The following KATNA1 variants were observed in gnomAD, a reference collection of about 807,000 sequenced individuals.
KATNA1 encodes the protein katanin p60 ATPase-containing subunit A1.
In KATNA1, 42 loss-of-function variants were observed where a neutral mutation model predicts 62.6. That is an observed-to-expected ratio of 0.67 (90% CI 0.52 to 0.87). KATNA1 has a LOEUF of 0.87. KATNA1 is among the 40% of genes least tolerant of loss of function. The pLI is 0.00. For synonymous variants in KATNA1, 186 were observed against 201.9 expected (o/e 0.92, Z 0.67); for missense variants, 498 against 612.5 (o/e 0.81, Z 1.97).
chr6:149,634,352 A>G (rs1779988643), intron 2 of KATNA1, among the ~76,000 whole-genome samples: 1 of 149,616 alleles, frequency 6.7e-6, no homozygotes, highest in African/African-American at 2.5e-5. Flanking sequence ...AGTTAGGCAT[A>G]ACTTTAAAGT....
At chr6:149,596,542 A>G (rs1172685086) in intron 10 of KATNA1, among the ~76,000 whole-genome samples, 1 of 152,122 alleles carries the variant, frequency 6.6e-6, no homozygotes, top group Non-Finnish European at 1.5e-5. Flanking sequence ...CTCAAAAAAC[A>G]AAACAAAACT....
intron 2 of KATNA1, among the ~76,000 whole-genome samples, chr6:149,636,167 T>C (rs1780059134): frequency 6.6e-6 from 1 of 152,116 alleles, no homozygotes; most frequent in South Asian, 2.1e-4. Flanking sequence ...TTAAATGATT[T>C]AATCTTAAGT....
chr6:149,598,464 C>G, intron 7 of KATNA1, 114 bp from the exon 8 acceptor site: 1 of 980,214 alleles, frequency 1.0e-6, no homozygotes, highest in Non-Finnish European at 1.5e-6. Flanking sequence ...GTGGCTCACA[C>G]CTGTAATCCC....
At chr6:149,597,431 A>G (rs553638492) in intron 9 of KATNA1, 76 bp downstream of exon 9, 4 of 1,550,034 alleles carry the variant, frequency 2.6e-6, no homozygotes, top group Admixed American at 3.7e-5. Context: ...AAGTTAGTTA[A>G]TAACAAATTT....
intron 1 of KATNA1, among the ~76,000 whole-genome samples, chr6:149,641,903 T>G (rs180913685): frequency 1.3e-5 from 2 of 152,294 alleles, no homozygotes; most frequent in Admixed American, 1.3e-4. Context: ...TTTTATTCTT[T>G]TATTTTTTAT....
At chr6:149,615,658 A>G (rs1310098450) in intron 4 of KATNA1, among the ~76,000 whole-genome samples, 1 of 152,076 alleles carries the variant, frequency 6.6e-6, no homozygotes, top group East Asian at 1.9e-4. Flanking sequence ...GTGTGCACCT[A>G]TAGTCTCAAC....
intron 1 of KATNA1, among the ~76,000 whole-genome samples, chr6:149,646,672 C>T (rs747624483): frequency 6.6e-6 from 1 of 152,060 alleles, no homozygotes; most frequent in African/African-American, 2.4e-5. Flanking sequence ...CAAAAAGCAA[C>T]CTGTTCAGAA....
In KATNA1 at chr6:149,598,294, A is replaced by G. The variant is rs199963563; in HGVS notation, c.945T>C (p.Ser315=). ...IFIDEIDSIC[S]RRGTSEEHEA... is the part of the protein sequence containing the mutation. The stretch of plus-strand genomic sequence containing the variant: ...CATGTTCTTCAGAAGTCCCTCGGCG[A>G]CTACAGATGGAGTCTATCTCATCAA... Residue 315 remains serine, a synonymous_variant, in exon 8 of 11, where the codon AGT becomes AGC. Coordinates refer to ENST00000367411, the MANE Select transcript of KATNA1 (RefSeq NM_007044.4). The G allele has an allele frequency of 6.2e-7, 1 of 1,613,972 alleles. No homozygotes were observed. The highest frequency in any genetic ancestry group is 8.5e-7 in the Non-Finnish European group (1 of 1,179,924).
chr6:149,609,403 T>A (rs940906383), intron 4 of KATNA1, among the ~76,000 whole-genome samples: 1 of 152,042 alleles, frequency 6.6e-6, no homozygotes, highest in African/African-American at 2.4e-5. Flanking sequence ...AGAAAAAAAC[T>A]CAGGCCAGGT....
chr6:149,608,744 A>G (rs1226001579), intron 4 of KATNA1, among the ~76,000 whole-genome samples: 2 of 152,168 alleles, frequency 1.3e-5, no homozygotes, highest in African/African-American at 4.8e-5. Context: ...GAGGGAACCT[A>G]GACTTCCACT....
At chr6:149,606,718 A>C (rs1464603177) in intron 4 of KATNA1, among the ~76,000 whole-genome samples, 1 of 151,012 alleles carries the variant, frequency 6.6e-6, no homozygotes, top group East Asian at 1.9e-4. Flanking sequence ...TCCCCGGTTC[A>C]AGCAATTCTC....
At chr6:149,610,942 G>A (rs569015422) in intron 4 of KATNA1, among the ~76,000 whole-genome samples, 2 of 152,176 alleles carry the variant, frequency 1.3e-5, no homozygotes, top group East Asian at 1.9e-4. Flanking sequence ...AAAACTAGCC[G>A]GGCGTGGTGT....
At position 149,604,691 on chromosome 6, in the gene KATNA1, T is replaced by C. The variant is rs756304379; in HGVS notation, c.593A>G (p.Asp198Gly). 3.0e-5 allele frequency: 49 copies of C among 1,613,404 alleles called. No homozygotes were observed. The highest frequency in any genetic ancestry group is 4.1e-5 in the Non-Finnish European group (48 of 1,179,344). The change falls in exon 5 of 11, where the codon GAT (aspartate) becomes GGT (glycine). Residue 198 changes from aspartate to glycine, a missense_variant. By Grantham distance (94) the Asp-to-Gly change is moderately conservative. This residue lies in a region of KATNA1 where 203 missense variants were observed against 198.4 expected (regional missense o/e 1.02). Coordinates refer to ENST00000367411, the MANE Select transcript of KATNA1 (RefSeq NM_007044.4). ...DKDLVEALER[D>G]IISQNPNVRW... Reference sequence around the variant, plus strand: ...AACATTGGGATTCTGGGAAATTATATCTCTTTCCAAAGCTTCTACTAAGTC... The same window carrying C: ...AACATTGGGATTCTGGGAAATTATACCTCTTTCCAAAGCTTCTACTAAGTC...
Position 149,595,002 on chromosome 6 carries a change from T to C in KATNA1, c.*34A>G. On this transcript the variant is annotated 3_prime_UTR_variant, in exon 11 of 11. Coordinates refer to ENST00000367411, the MANE Select transcript of KATNA1 (RefSeq NM_007044.4). Reference sequence around the variant, plus strand: ...TTACTGCATTTAATATTCAAACACTTAAGGCACATTTCTCACAGTTTACAT... The same window carrying C: ...TTACTGCATTTAATATTCAAACACTCAAGGCACATTTCTCACAGTTTACAT... 6.5e-7 allele frequency: 1 copy of C among 1,537,852 alleles called. No individual in the cohort carries two copies. Among genetic ancestry groups the C allele is most frequent in the South Asian group, 1.1e-5 (1 of 89,188 alleles).
At position 149,604,686 on chromosome 6, in the gene KATNA1, T is replaced by C. The variant is rs1562282262; in HGVS notation, c.598A>G (p.Ile200Val). ...CATCGAACATTGGGATTCTGGGAAATTATATCTCTTTCCAAAGCTTCTACT... is the reference window on the plus strand; with the variant it reads ...CATCGAACATTGGGATTCTGGGAAACTATATCTCTTTCCAAAGCTTCTACT... Reference protein sequence around the residue: ...DLVEALERDIISQNPNVRWDD... With the variant: ...DLVEALERDIVSQNPNVRWDD... Residue 200 changes from isoleucine to valine, a missense_variant, in exon 5 of 11, where the codon ATT becomes GTT. By Grantham distance (29) the Ile-to-Val change is conservative. Transcript: ENST00000367411. 1.2e-6 allele frequency: 2 copies of C among 1,613,424 alleles called. No individual in the cohort carries two copies. The highest frequency in any genetic ancestry group is 1.7e-6 in the Non-Finnish European group (2 of 1,179,374).
Position 149,598,270 on chromosome 6 carries a change from A to G in KATNA1, c.969T>C (p.His323=), listed in dbSNP as rs1219983215. 45 of 1,613,844 alleles carry G rather than the reference A, an allele frequency of 2.8e-5. No individual in the cohort carries two copies. In the Admixed American group the frequency reaches 7.0e-4, roughly 25 times the overall value. The stretch of plus-strand genomic sequence containing the variant: ...CCGCTTTCACCCTTCTGCTTGCTTC[A>G]TGTTCTTCAGAAGTCCCTCGGCGAC... ...ICSRRGTSEE[H]EASRRVKAEL... Residue 323 remains histidine (H), a synonymous_variant, in exon 8 of 11, where the codon CAT becomes CAC. Coordinates refer to ENST00000367411, the MANE Select transcript of KATNA1 (RefSeq NM_007044.4).
At chr6:149,641,913 T>C (rs549117675) in intron 1 of KATNA1, among the ~76,000 whole-genome samples, 1 of 152,288 alleles carries the variant, frequency 6.6e-6, no homozygotes. Flanking sequence ...TTATTTTTTA[T>C]TTTTCTGGAG....
intron 7 of KATNA1, among the ~76,000 whole-genome samples, chr6:149,601,334 A>G (rs1158410559): frequency 2.0e-5 from 3 of 152,184 alleles, no homozygotes; most frequent in African/African-American, 4.8e-5. Context: ...TCAGATTCCT[A>G]CAGAAGATTA....
chr6:149,597,063 C>G lies in KATNA1; in HGVS notation c.1277G>C (p.Arg426Thr). ...YSGADITNVCRDASLMAMRRR... is the reference protein window; with the variant it reads ...YSGADITNVCTDASLMAMRRR... ...CCTATGCTTCCATGATAATTCATAC[C>G]TGCACACGTTGGTAATGTCCGCACC... Residue 426 changes from arginine to threonine, a missense_variant and splice_region_variant, in exon 10 of 11, where the codon AGG (arginine) becomes ACG (threonine). Physicochemically the swap from Arg to Thr is moderately conservative, Grantham distance 71. This residue lies in a region of KATNA1 where 267 missense variants were observed against 372.6 expected (regional missense o/e 0.72). Transcript: ENST00000367411. 6.2e-7 allele frequency: 1 copy of G among 1,613,462 alleles called. No homozygotes were observed. The highest frequency in any genetic ancestry group is 8.5e-7 in the Non-Finnish European group (1 of 1,179,826).
Sources: gnomAD v4.1 joint callset for allele counts (sites outside exome capture counted in the v4.1 genomes callset) on GRCh38, gnomAD v4.1.1 for gene constraint, gnomAD v4.1.1 regional missense constraint, MANE v1.5 for transcripts, NCBI Gene and HGNC (gene_info 2026-07-23, HGNC 2026-07-21) for gene names.